The following ERICH2 variants were observed in gnomAD, a reference collection of about 807,000 sequenced individuals.
ERICH2 encodes glutamate rich 2, also known as glutamate-rich protein 2.
In ERICH2, 17 loss-of-function variants were observed where a neutral mutation model predicts 17.4. That is an observed-to-expected ratio of 0.98 (90% confidence interval 0.67 to 1.47). ERICH2 has a LOEUF of 1.47. Among genes scored for constraint, ERICH2 ranks in the 40% most tolerant of loss-of-function variants. The pLI is 0.00. For missense variants in ERICH2, 186 were observed against 183.2 expected (o/e 1.01, Z -0.09); for synonymous variants, 51 against 61.1 (o/e 0.83, Z 0.77).
the ERICH2 span, chr2:170,777,575 G>A: frequency 1.8e-6 from 2 of 1,105,786 alleles, no homozygotes; most frequent in Non-Finnish European, 2.3e-6. Context: ...CTAAATATTT[G>A]CCATTTAGAA....
chr2:170,796,287 A>T (rs563219542), intron 3 of ERICH2, among the ~76,000 whole-genome samples: 82 of 152,330 alleles, frequency 5.4e-4, no homozygotes, highest in African/African-American at 1.9e-3. Context: ...ACCCAGATTG[A>T]TGACAAATTG....
At chr2:170,780,634 A>G (rs138293737), upstream of ERICH2, among the ~76,000 whole-genome samples, 1,127 of 152,324 alleles carry the variant, frequency 7.4e-3, 14 homozygotes, top group African/African-American at 0.026. Flanking sequence ...GCCATATTTT[A>G]TTCTAAAGCA....
upstream of ERICH2, among the ~76,000 whole-genome samples, chr2:170,781,893 G>T (rs149711826): frequency 6.6e-6 from 1 of 152,080 alleles, no homozygotes; most frequent in Non-Finnish European, 1.5e-5. Flanking sequence ...GGCAAAAATC[G>T]ATTTATAAAC....
rs561030650 is a variant in ERICH2 at position 170,796,652 on chromosome 2, G to A, written c.275-1389G>A. ...GGGTTTCAGCAGGTTGCGAAGGCTGGTCTTGAACTCCTGAGCTCAAATGAT... is the reference window on the plus strand; with the variant it reads ...GGGTTTCAGCAGGTTGCGAAGGCTGATCTTGAACTCCTGAGCTCAAATGAT... On this transcript the variant is annotated intron_variant, in intron 3 of 4. Transcript: ENST00000409885. 5.9e-4 allele frequency among the ~76,000 whole-genome samples: 90 copies of A among 152,100 alleles called. 1 individual carries two copies. The Middle Eastern group carries it at 0.01, about 17-fold the overall frequency.
intron 2 of ERICH2, among the ~76,000 whole-genome samples, chr2:170,791,019 C>G (rs1224855608): frequency 6.6e-6 from 1 of 151,688 alleles, no homozygotes; most frequent in Non-Finnish European, 1.5e-5. Context: ...TTAATTCAAA[C>G]TAAAAACCAA....
At chr2:170,777,404 T>C in the ERICH2 span, 1 of 1,174,878 alleles carries the variant, frequency 8.5e-7, no homozygotes. Context: ...GAATGGCAGA[T>C]TGCTAATGTT....
chr2:170,787,174 C>T (rs1042550195), intron 2 of ERICH2, among the ~76,000 whole-genome samples: 4 of 152,140 alleles, frequency 2.6e-5, no homozygotes, highest in Non-Finnish European at 5.9e-5. Flanking sequence ...GCCTCAGCCT[C>T]CTGAATAGCT....
chr2:170,794,601 T>TTTATG (rs1559256457), intron 3 of ERICH2, among the ~76,000 whole-genome samples: 5 of 152,080 alleles, frequency 3.3e-5, no homozygotes, highest in African/African-American at 9.7e-5. Flanking sequence ...TATCATCTTT[T>TTTATG]CAACTATTTT....
At chr2:170,795,540 G>T (rs916529783) in intron 3 of ERICH2, among the ~76,000 whole-genome samples, 7 of 152,066 alleles carry the variant, frequency 4.6e-5, no homozygotes, top group Non-Finnish European at 7.4e-5. Flanking sequence ...TAGAGGCGGG[G>T]TTTCACCACA....
At chr2:170,796,264 C>T (rs191944820) in intron 3 of ERICH2, among the ~76,000 whole-genome samples, 30 of 152,212 alleles carry the variant, frequency 2.0e-4, no homozygotes, top group Admixed American at 9.2e-4. Context: ...TAAGCAGGCA[C>T]GCAGTCATGC....
At chr2:170,798,675 A>T (rs1469127506) in intron 4 of ERICH2, 95 bp from the exon 10 acceptor site, 11 of 1,428,146 alleles carry the variant, frequency 7.7e-6, no homozygotes, top group Non-Finnish European at 1.0e-5. Context: ...TTACAAATAT[A>T]TGTATTTCTT....
At chr2:170,793,251 T>G (rs1181341612) in intron 3 of ERICH2, among the ~76,000 whole-genome samples, 1 of 152,232 alleles carries the variant, frequency 6.6e-6, no homozygotes, top group Non-Finnish European at 1.5e-5. Flanking sequence ...AAACCTTAAC[T>G]GAGCATGCAT....
upstream of ERICH2, chr2:170,782,397 C>A (rs1701049371): frequency 1.0e-6 from 1 of 981,302 alleles, no homozygotes; most frequent in South Asian, 4.7e-5. Flanking sequence ...CAGGTAATAA[C>A]ATTTGTTTCA....
chr2:170,788,509 G>T (rs564178404), intron 2 of ERICH2, among the ~76,000 whole-genome samples: 19 of 152,032 alleles, frequency 1.2e-4, no homozygotes, highest in Non-Finnish European at 2.1e-4. Flanking sequence ...GTCTTGCTCT[G>T]TCACCCAGGC....
chr2:170,779,777 A>AT, upstream of ERICH2: 3 of 935,652 alleles, frequency 3.2e-6, no homozygotes, highest in Non-Finnish European at 3.8e-6. Flanking sequence ...TTTTATTCCC[A>AT]TTTTTATACC....
the ERICH2 span, among the ~76,000 whole-genome samples, chr2:170,776,476 C>T: frequency 1.3e-5 from 2 of 152,158 alleles, no homozygotes; most frequent in Admixed American, 6.5e-5. Flanking sequence ...CTCCTGGGTT[C>T]GAGCTATTCT....
the ERICH2 span, among the ~76,000 whole-genome samples, chr2:170,772,490 A>C: frequency 6.6e-6 from 1 of 152,170 alleles, no homozygotes; most frequent in Non-Finnish European, 1.5e-5. Flanking sequence ...AATCACAGAG[A>C]GGTTAAGGAA....
intron 3 of ERICH2, among the ~76,000 whole-genome samples, chr2:170,796,051 A>G (rs564538588): frequency 9.2e-5 from 14 of 152,334 alleles, no homozygotes; most frequent in African/African-American, 3.4e-4. Flanking sequence ...AGCCTACAGT[A>G]TACTTTTAAA....
At chr2:170,792,697 T>C (rs1228532287) in intron 2 of ERICH2, among the ~76,000 whole-genome samples, 166 bp from the exon 8 acceptor site, 1 of 152,218 alleles carries the variant, frequency 6.6e-6, no homozygotes, top group Non-Finnish European at 1.5e-5. Flanking sequence ...CAGAGGTACT[T>C]CAATTTCCTT....
Sources: allele counts gnomAD v4.1 joint callset (sites outside exome capture counted in the v4.1 genomes callset), GRCh38; gene constraint gnomAD v4.1.1; transcripts MANE v1.5; gene names NCBI Gene and HGNC (gene_info 2026-07-23, HGNC 2026-07-21).